NPAS2: variants seen among roughly 807,000 people sequenced by gnomAD.
The protein encoded by NPAS2 is neuronal PAS domain protein 2.
NPAS2 carries 23 observed loss-of-function variants against 107.5 expected under a neutral mutation model. The ratio of observed to expected loss-of-function variants is 0.21; its 90% confidence interval spans 0.15 to 0.30. The LOEUF is 0.30. Ranked by LOEUF, NPAS2 falls within the 10% of genes least tolerant of loss-of-function variation. The pLI, the probability that NPAS2 is intolerant of heterozygous loss-of-function variation, is 1.00. For missense variants in NPAS2, 756 were observed against 1,043.3 expected (o/e 0.72, Z 3.79); for synonymous variants, 403 against 417.5 (o/e 0.97, Z 0.42).
rs547505330 is a variant in NPAS2 at position 100,993,337 on chromosome 2, C to T, written c.2112-10C>T. 2.1e-5 allele frequency: 32 copies of T among 1,556,254 alleles called. No individual in the cohort carries two copies. The highest frequency in any genetic ancestry group is 2.1e-4 in the African/African-American group (15 of 73,104). On this transcript the variant is annotated splice_polypyrimidine_tract_variant and intron_variant, in intron 19 of 20. Coordinates refer to ENST00000335681, the MANE Select transcript of NPAS2 (RefSeq NM_002518.4). ...TAAAGGACCTGTTTTCTCCTTCCCA[C>T]GTGAAACAGGTACGCCCAGAGCCAG... is the stretch of plus-strand genomic sequence containing the variant.
intron 5 of NPAS2, among the ~76,000 whole-genome samples, chr2:100,940,203 T>C (rs1674492204): frequency 6.6e-6 from 1 of 152,178 alleles, no homozygotes. Flanking sequence ...ACTTCCACTA[T>C]GGGGAGGAAG....
intron 7 of NPAS2, 76 bp from the exon 8 acceptor site, chr2:100,963,982 T>A: frequency 1.1e-6 from 1 of 879,724 alleles, no homozygotes; most frequent in Non-Finnish European, 1.9e-6. Context: ...TGGCTTACAG[T>A]TAAGTGCCAA....
intron 7 of NPAS2, among the ~76,000 whole-genome samples, chr2:100,952,585 A>T (rs1466561993): frequency 1.3e-5 from 2 of 152,066 alleles, no homozygotes; most frequent in Non-Finnish European, 2.9e-5. Context: ...CAAAAAAACA[A>T]CAACAAAAAA....
chr2:100,836,716 C>T (rs1677095627), intron 1 of NPAS2, among the ~76,000 whole-genome samples: 1 of 152,198 alleles, frequency 6.6e-6, no homozygotes, highest in Admixed American at 6.5e-5. Flanking sequence ...CCAATGCCTC[C>T]CTGGGTTCTA....
chr2:100,906,346 A>C (rs1682145886), intron 2 of NPAS2, among the ~76,000 whole-genome samples: 1 of 152,154 alleles, frequency 6.6e-6, no homozygotes, highest in South Asian at 2.1e-4. Context: ...CTATGGATGG[A>C]GCGCTGGAGA....
Position 100,921,792 on chromosome 2 carries a change from C to T in NPAS2, c.33-3354C>T, listed in dbSNP as rs60437780. Among the ~76,000 whole-genome samples the T allele has an allele frequency of 6.7e-3, 1,014 of 152,218 alleles. 14 individuals carry two copies. The highest frequency in any genetic ancestry group is 0.024 in the African/African-American group (979 of 41,506). On this transcript the variant is annotated intron_variant, in intron 2 of 20. Transcript: ENST00000335681. The stretch of plus-strand genomic sequence containing the variant: ...GCCGTGTCTTATCAGGTTAAACATA[C>T]GCTTAGCAGATGACCCAGCAATTCC...
chr2:100,878,809 G>A (rs1315948260), intron 1 of NPAS2, among the ~76,000 whole-genome samples: 1 of 152,136 alleles, frequency 6.6e-6, no homozygotes, highest in Non-Finnish European at 1.5e-5. Context: ...TAAAGACACT[G>A]TAAATTATTT....
Position 100,924,910 on chromosome 2 carries a change from C to T in NPAS2, c.33-236C>T, listed in dbSNP as rs537517940. 7.9e-5 allele frequency among the ~76,000 whole-genome samples: 12 copies of T among 152,302 alleles called. No individual in the cohort carries two copies. The East Asian group carries it at 2.1e-3, about 27-fold the overall frequency. ...CTCAGAGCTAATCTGTCAGATTTTG[C>T]GTCTGAGTCAGAACTTACTGGTTAT... is the stretch of plus-strand genomic sequence containing the variant. On this transcript the variant is annotated intron_variant, in intron 2 of 20. Transcript: ENST00000335681.
intron 15 of NPAS2, among the ~76,000 whole-genome samples, chr2:100,980,266 A>C (rs1677354537): frequency 6.6e-6 from 1 of 152,138 alleles, no homozygotes; most frequent in African/African-American, 2.4e-5. Context: ...CTGCAGGTGG[A>C]AGGGGCAACG....
At chr2:100,917,032 A>C (rs977040890) in intron 2 of NPAS2, among the ~76,000 whole-genome samples, 2 of 152,216 alleles carry the variant, frequency 1.3e-5, no homozygotes, top group African/African-American at 4.8e-5. Flanking sequence ...GCTTAGAGGG[A>C]AACTTGCAAC....
chr2:100,842,079 G>GCA lies in NPAS2; in HGVS notation c.-23+21666_-23+21667insAC, dbSNP rs1388795347. On this transcript the variant is annotated intron_variant, in intron 1 of 20. Coordinates refer to ENST00000335681, the MANE Select transcript of NPAS2 (RefSeq NM_002518.4). ...TGTTCATGCATGAGTGTGCATGTAC[G>GCA]CGCACACACACACACACACACACAC... 1.6e-3 allele frequency among the ~76,000 whole-genome samples: 118 copies of GCA among 74,138 alleles called. 1 individual carries two copies. Among genetic ancestry groups the GCA allele is most frequent in the Admixed American group, 8.3e-3 (76 of 9,140 alleles). The allele number at this position is 74,138 out of a possible 152,430, so 48.6% of individuals were successfully genotyped here.
At chr2:100,876,680 G>GT (rs954652138) in intron 1 of NPAS2, among the ~76,000 whole-genome samples, 4 of 152,126 alleles carry the variant, frequency 2.6e-5, no homozygotes, top group African/African-American at 9.7e-5. Flanking sequence ...CCTTCTGCTT[G>GT]TTGCTGTTGG....
In NPAS2 at chr2:100,885,020, C is replaced by T. The variant is rs150682984; in HGVS notation, c.-22-19713C>T. 2.5e-3 allele frequency among the ~76,000 whole-genome samples: 372 copies of T among 151,744 alleles called. 1 individual carries two copies. The highest frequency in any genetic ancestry group is 0.02 in the Middle Eastern group (6 of 294). On this transcript the variant is annotated intron_variant, in intron 1 of 20. Transcript: ENST00000335681. ...CTAGAGCGCAGTGGCACAGTCTTGG[C>T]TCACTGCAAGCTTCACCTTCTGGGT...
chr2:100,858,979 A>G (rs1482278438), intron 1 of NPAS2, among the ~76,000 whole-genome samples: 1 of 152,212 alleles, frequency 6.6e-6, no homozygotes, highest in Non-Finnish European at 1.5e-5. Context: ...AAACACATGC[A>G]TTTGTCTGGG....
chr2:100,833,683 C>T (rs893583500), intron 1 of NPAS2, among the ~76,000 whole-genome samples: 2 of 152,214 alleles, frequency 1.3e-5, no homozygotes, highest in African/African-American at 4.8e-5. Context: ...TCTGGGATTT[C>T]AGTCCAAATC....
At chr2:100,952,575 C>CA (rs1354477458) in intron 7 of NPAS2, among the ~76,000 whole-genome samples, 26 of 150,912 alleles carry the variant, frequency 1.7e-4, no homozygotes, top group East Asian at 7.8e-4. Context: ...AAAAAAAAAA[C>CA]AAAAAAACAA....
At chr2:100,939,006 C>G (rs984096939) in intron 5 of NPAS2, among the ~76,000 whole-genome samples, 3 of 152,106 alleles carry the variant, frequency 2.0e-5, no homozygotes, top group Admixed American at 6.5e-5. Flanking sequence ...GCTGGAGGAC[C>G]GCGGTTCCCT....
chr2:100,930,039 TG>T (rs962496700), intron 3 of NPAS2, among the ~76,000 whole-genome samples: 1 of 152,252 alleles, frequency 6.6e-6, no homozygotes, highest in African/African-American at 2.4e-5. Flanking sequence ...AGCAAAATTT[TG>T]TAACAGTAGC....
At chr2:100,835,515 A>T (rs940646274) in intron 1 of NPAS2, among the ~76,000 whole-genome samples, 7 of 152,168 alleles carry the variant, frequency 4.6e-5, no homozygotes, top group African/African-American at 1.7e-4. Flanking sequence ...GGTACAAAAG[A>T]GGAACGCTTG....
Sources: gnomAD v4.1 joint callset for allele counts (sites outside exome capture counted in the v4.1 genomes callset) on GRCh38, gnomAD v4.1.1 for gene constraint, MANE v1.5 for transcripts, NCBI Gene and HGNC (gene_info 2026-07-23, HGNC 2026-07-21) for gene names.